Variants in UNC13D observed in about 807,000 individuals in gnomAD.
The protein encoded by UNC13D is unc-13 homolog D.
UNC13D carries 115 observed loss-of-function variants against 151.7 expected under a neutral mutation model. The observed-to-expected ratio is 0.76, with a 90% CI of 0.65 to 0.88. The LOEUF is 0.88. Among genes scored for constraint, UNC13D ranks in the 40% least tolerant of loss-of-function variants. UNC13D has a pLI of 0.00. For missense variants in UNC13D, 1,369 were observed against 1,438.7 expected, an observed-to-expected ratio of 0.95 and a Z score of 0.78; for synonymous variants, 588 against 612.2, an observed-to-expected ratio of 0.96 and a Z score of 0.58.
At chr17:75,843,949 C>G (rs1443180328) in intron 1 of UNC13D, 2 of 1,393,190 alleles carry the variant, frequency 1.4e-6, no homozygotes, top group African/African-American at 2.9e-5. Context: ...TCTTCTGAAG[C>G]TGGAGGAGTA....
intron 1 of UNC13D, 105 bp downstream of exon 1, chr17:75,844,116 C>T (rs2064969192): frequency 1.3e-6 from 2 of 1,524,944 alleles, no homozygotes; most frequent in East Asian, 2.3e-5. Context: ...GGTCGCTGGT[C>T]CCCAGTCCCA....
rs762138133 is a variant in UNC13D at position 75,831,127 on chromosome 17, G to A, written c.2596C>T (p.Pro866Ser). The A allele has an allele frequency of 8.7e-6, 14 of 1,613,992 alleles. No homozygotes were observed. Among genetic ancestry groups the A allele is most frequent in the Non-Finnish European group, 1.1e-5 (13 of 1,180,036 alleles). The change falls in exon 27 of 32, where the codon CCC becomes TCC. Residue 866 changes from proline to serine, a missense_variant. By Grantham distance (74) the Pro-to-Ser change is moderately conservative. Around this residue, in one of 3 missense-constraint regions of UNC13D, gnomAD observed 807 missense variants for 795.5 expected, o/e 1.01. Coordinates refer to ENST00000207549, the MANE Select transcript of UNC13D (RefSeq NM_199242.3). Reference sequence around the variant, plus strand: ...AAGGTGGCAGTGTGCAGGGCCTTGGGTGGCAGGCCACAGCCCTCAGCGTGG... The same window carrying A: ...AAGGTGGCAGTGTGCAGGGCCTTGGATGGCAGGCCACAGCCCTCAGCGTGG... ...CFHAEGCGLPPKALHTATFQA... is the reference protein window; with the variant it reads ...CFHAEGCGLPSKALHTATFQA...
chr17:75,827,941 C>T lies in UNC13D; in HGVS notation c.*24G>A. On this transcript the variant is annotated 3_prime_UTR_variant, in exon 32 of 32. Transcript: ENST00000207549. ...CCCTTGCAAGTCCCCACCGGGGACC[C>T]AGCCCCACCGCAAACCTCTACGGCT... is the stretch of plus-strand genomic sequence containing the variant. The T allele has an allele frequency of 6.2e-7, 1 of 1,607,284 alleles. No individual in the cohort carries two copies. Among genetic ancestry groups the T allele is most frequent in the Non-Finnish European group, 8.5e-7 (1 of 1,178,368 alleles).
At chr17:75,842,639 C>A (rs749138571) in intron 5 of UNC13D, 26 bp from the exon 6 acceptor site, 2 of 1,610,140 alleles carry the variant, frequency 1.2e-6, no homozygotes, top group Non-Finnish European at 1.7e-6. Context: ...GAAGACGAGG[C>A]AGCCAGGGAG....
intron 2 of UNC13D, 86 bp downstream of exon 2, chr17:75,843,398 G>A (rs2064963713): frequency 3.2e-6 from 5 of 1,570,136 alleles, no homozygotes; most frequent in Admixed American, 1.9e-5. Context: ...CCCACCGCAA[G>A]TTGCTTGCTG....
Position 75,832,888 on chromosome 17 carries a change from G to T in UNC13D, c.2447+78C>A. On this transcript the variant is annotated intron_variant, in intron 25 of 31. Coordinates refer to ENST00000207549, the MANE Select transcript of UNC13D (RefSeq NM_199242.3). The surrounding 1 kb of genome is among the most constrained non-coding windows in gnomAD (Gnocchi z 4.3). ...GGCTGCTACACCCCTCAGAACGGAT[G>T]CTGGGGCCCAGGAAGGAGGGGCCGT... 2.2e-6 allele frequency: 3 copies of T among 1,365,278 alleles called. No homozygotes were observed. Among genetic ancestry groups the T allele is most frequent in the Non-Finnish European group, 2.0e-6 (2 of 988,922 alleles). 84.6% of individuals were successfully genotyped at this position (1,365,278 alleles called of 1,614,324 possible). A position where few individuals can be genotyped will look rare whatever the true frequency, so the allele number is the denominator to read the frequency against.
intron 6 of UNC13D, among the ~76,000 whole-genome samples, chr17:75,841,750 ATTT>A (rs1212805297): frequency 2.7e-5 from 3 of 111,316 alleles, no homozygotes; most frequent in African/African-American, 3.4e-5. Flanking sequence ...GCCCCCACTA[ATTT>A]TTTTTTTTTT....
intron 6 of UNC13D, 78 bp from the exon 7 acceptor site, chr17:75,841,079 A>AG: frequency 1.3e-6 from 2 of 1,545,240 alleles, no homozygotes; most frequent in Non-Finnish European, 8.9e-7. Flanking sequence ...ACCACAGCCC[A>AG]GAGCCATGGA....
intron 30 of UNC13D, 114 bp from the exon 31 acceptor site, chr17:75,829,097 G>A: frequency 1.5e-6 from 2 of 1,337,880 alleles, no homozygotes; most frequent in South Asian, 2.7e-5. Flanking sequence ...TGCAAAGCCA[G>A]CTCTCAGCCT....
intron 12 of UNC13D, among the ~76,000 whole-genome samples, chr17:75,838,145 C>T (rs2064921495): frequency 6.6e-6 from 1 of 152,178 alleles, no homozygotes; most frequent in South Asian, 2.1e-4. Context: ...CACTCAGACT[C>T]CAAGTCACAG....
intron 30 of UNC13D, 71 bp downstream of exon 30, chr17:75,829,957 G>A: frequency 6.4e-7 from 1 of 1,552,530 alleles, no homozygotes. Context: ...CCAGCCAGGA[G>A]GAGCAGGCCT....
chr17:75,842,938 G>A lies in UNC13D; in HGVS notation c.322-15C>T, dbSNP rs201007001. On this transcript the variant is annotated splice_polypyrimidine_tract_variant and intron_variant, in intron 4 of 31. Transcript: ENST00000207549. ...AATATTGGCTTCTGGAGGGACAGGA[G>A]GGATGGCCTGAGTCCCTGAGGGGGC... The A allele has an allele frequency of 8.7e-6, 14 of 1,613,302 alleles. No individual in the cohort carries two copies. The highest frequency in any genetic ancestry group is 1.3e-5 in the African/African-American group (1 of 75,028).
chr17:75,835,925 G>C lies in UNC13D; in HGVS notation c.1545-19C>G, dbSNP rs756703973. 2 of 1,614,180 alleles carry C rather than the reference G, an allele frequency of 1.2e-6. No individual in the cohort carries two copies. Among genetic ancestry groups the C allele is most frequent in the Non-Finnish European group, 1.7e-6 (2 of 1,180,038 alleles). ...GAGGGTACTGGAGGAAAGGCAGCAG[G>C]TGTCACCCAGTGGCATACACCAGGG... On this transcript the variant is annotated intron_variant, in intron 17 of 31. Coordinates refer to ENST00000207549, the MANE Select transcript of UNC13D (RefSeq NM_199242.3).
At chr17:75,828,561 C>T (rs2062139723) in intron 31 of UNC13D, among the ~76,000 whole-genome samples, 1 of 152,228 alleles carries the variant, frequency 6.6e-6, no homozygotes, top group South Asian at 2.1e-4. Context: ...AGGCCCTTCT[C>T]CCCAGTTAAA....
At chr17:75,837,366 A>G (rs1456604318) in intron 12 of UNC13D, among the ~76,000 whole-genome samples, 1 of 151,332 alleles carries the variant, frequency 6.6e-6, no homozygotes, top group Non-Finnish European at 1.5e-5. Flanking sequence ...GTGACCAGCC[A>G]GGATTTTTTT....
chr17:75,834,821 G>A (rs2064895815), intron 21 of UNC13D, 99 bp downstream of exon 21: 2 of 1,609,414 alleles, frequency 1.2e-6, no homozygotes, highest in African/African-American at 1.3e-5. Context: ...TTAGAATACA[G>A]GCCTTGGGAG....
At chr17:75,843,979 C>T (rs961013571) in intron 1 of UNC13D, 1 of 1,410,962 alleles carries the variant, frequency 7.1e-7, no homozygotes, top group Non-Finnish European at 9.2e-7. Flanking sequence ...GTCAGGCCAA[C>T]CGGGAGGGAG....
intron 6 of UNC13D, among the ~76,000 whole-genome samples, chr17:75,841,937 C>T (rs933812476): frequency 4.6e-5 from 7 of 151,584 alleles, no homozygotes; most frequent in Non-Finnish European, 8.8e-5. Flanking sequence ...TTAGTAGAGA[C>T]GGGGTTTCAC....
At chr17:75,828,642 A>T in intron 31 of UNC13D, 145 bp downstream of exon 31, 1 of 916,268 alleles carries the variant, frequency 1.1e-6, no homozygotes, top group Non-Finnish European at 1.5e-6. Flanking sequence ...TCTCTTGATT[A>T]GACCGAGAGA....
Sources: gnomAD v4.1 joint callset for allele counts (sites outside exome capture counted in the v4.1 genomes callset) on GRCh38, gnomAD v4.1.1 for gene constraint, gnomAD v4.1.1 regional missense constraint, Gnocchi (gnomAD v3.1) non-coding constraint, MANE v1.5 for transcripts, NCBI Gene and HGNC (gene_info 2026-07-23, HGNC 2026-07-21) for gene names.